Variants in DCC observed in about 807,000 individuals in gnomAD.
The protein encoded by DCC is netrin receptor DCC.
DCC carries 58 observed loss-of-function variants against 172.5 expected under a neutral mutation model. The ratio of observed to expected loss-of-function variants is 0.34; its 90% CI spans 0.27 to 0.42. The LOEUF (loss-of-function observed/expected upper bound fraction) is 0.42. Among genes scored for constraint, DCC ranks in the 10% least tolerant of loss-of-function variants. The pLI, the probability that DCC is intolerant of heterozygous loss-of-function variation, is 1.00. For missense variants in DCC, 1,740 were observed against 1,791.0 expected, an observed-to-expected ratio of 0.97 and a Z score of 0.51; for synonymous variants, 709 against 644.5, an observed-to-expected ratio of 1.10 and a Z score of -1.52.
At chr18:52,458,119 C>G (rs773872860) in intron 1 of DCC, among the ~76,000 whole-genome samples, 3 of 152,112 alleles carry the variant, frequency 2.0e-5, no homozygotes, top group Non-Finnish European at 4.4e-5. Context: ...CTTGGTGGTC[C>G]AAATTTTGAC....
At chr18:53,341,933 G>A (rs2057664475) in intron 15 of DCC, among the ~76,000 whole-genome samples, 2 of 151,964 alleles carry the variant, frequency 1.3e-5, no homozygotes, top group South Asian at 4.2e-4. Flanking sequence ...GGAAGGCAAA[G>A]CTCTCTAGTC....
intron 12 of DCC, among the ~76,000 whole-genome samples, chr18:53,226,948 A>ATATATTTTTTTTTT: frequency 2.5e-4 from 13 of 52,956 alleles, no homozygotes; most frequent in African/African-American, 1.2e-3. Flanking sequence ...ATATATATAT[A>ATATATTTTTTTTTT]TTTTTTTTTT....
At chr18:53,387,134 G>A (rs1466893168) in intron 16 of DCC, among the ~76,000 whole-genome samples, 1 of 152,134 alleles carries the variant, frequency 6.6e-6, no homozygotes, top group Admixed American at 6.5e-5. Flanking sequence ...TGGATGAGTT[G>A]GAAGAAATGG....
intron 12 of DCC, among the ~76,000 whole-genome samples, chr18:53,266,551 A>T (rs2056677346): frequency 6.6e-6 from 1 of 152,124 alleles, no homozygotes; most frequent in Non-Finnish European, 1.5e-5. Flanking sequence ...AGCGTTGTTG[A>T]AGTGTAATTC....
chr18:53,205,555 G>C (rs1333511621), intron 10 of DCC, among the ~76,000 whole-genome samples, 191 bp downstream of exon 10: 2 of 152,166 alleles, frequency 1.3e-5, no homozygotes. Flanking sequence ...ATTAAATTCT[G>C]GTGGTAAGAG....
chr18:52,841,567 C>T (rs1014781024), intron 2 of DCC, among the ~76,000 whole-genome samples: 1 of 152,008 alleles, frequency 6.6e-6, no homozygotes, highest in Admixed American at 6.6e-5. Flanking sequence ...TGGGATGGTA[C>T]CAGTACATGT....
intron 1 of DCC, among the ~76,000 whole-genome samples, chr18:52,407,695 AAATG>A (rs1164987187): frequency 6.6e-6 from 1 of 152,078 alleles, no homozygotes; most frequent in Non-Finnish European, 1.5e-5. Context: ...CTTGTTGAAG[AAATG>A]AATGAATGAA....
At chr18:52,356,460 C>G (rs1984368058) in intron 1 of DCC, among the ~76,000 whole-genome samples, 1 of 152,110 alleles carries the variant, frequency 6.6e-6, no homozygotes, top group African/African-American at 2.4e-5. Context: ...CATTTTGCGG[C>G]CAAAGGGCAG....
chr18:53,325,078 T>G (rs1599025881), intron 14 of DCC, among the ~76,000 whole-genome samples: 2 of 150,548 alleles, frequency 1.3e-5, no homozygotes. Flanking sequence ...CTGTAATCCC[T>G]GCTACTCAGG....
At chr18:52,448,402 A>T (rs761772295) in intron 1 of DCC, among the ~76,000 whole-genome samples, 1 of 152,216 alleles carries the variant, frequency 6.6e-6, no homozygotes, top group East Asian at 1.9e-4. Context: ...AACAGAGCAT[A>T]CATTTTGTTA....
chr18:53,215,503 C>G, intron 11 of DCC, 45 bp from the exon 12 acceptor site: 1 of 1,520,776 alleles, frequency 6.6e-7, no homozygotes. Flanking sequence ...ATTTTTCTTT[C>G]AAGATTTTGG....
chr18:53,213,002 C>T (rs1245875893), intron 11 of DCC, among the ~76,000 whole-genome samples: 1 of 151,876 alleles, frequency 6.6e-6, no homozygotes, highest in African/African-American at 2.4e-5. Context: ...AGAAAACAGC[C>T]CTGATGCTTA....
At chr18:52,377,944 C>G (rs771229366) in intron 1 of DCC, among the ~76,000 whole-genome samples, 2 of 152,036 alleles carry the variant, frequency 1.3e-5, no homozygotes, top group Non-Finnish European at 2.9e-5. Flanking sequence ...AAGTGATCCC[C>G]CTGCCTCGGC....
intron 2 of DCC, among the ~76,000 whole-genome samples, chr18:52,868,310 G>A (rs2039262168): frequency 6.6e-6 from 1 of 152,042 alleles, no homozygotes; most frequent in South Asian, 2.1e-4. Flanking sequence ...AATGGAGAGG[G>A]CATAGAGGGA....
chr18:53,427,214 G>A (rs956986399), intron 21 of DCC, among the ~76,000 whole-genome samples: 2 of 152,052 alleles, frequency 1.3e-5, no homozygotes, highest in African/African-American at 4.8e-5. Context: ...ATATTTGGAG[G>A]AACAGAATGC....
At chr18:53,170,931 G>C (rs943902810) in intron 8 of DCC, among the ~76,000 whole-genome samples, 1 of 152,130 alleles carries the variant, frequency 6.6e-6, no homozygotes, top group Non-Finnish European at 1.5e-5. Flanking sequence ...TGTCACCCAA[G>C]CTGGAGTGTA....
rs145670704 is a variant in DCC, at chr18:53,274,686, A to G, written c.1912-30892A>G. On this transcript the variant is annotated intron_variant, in intron 12 of 28. Coordinates refer to ENST00000442544, the MANE Select transcript of DCC (RefSeq NM_005215.4). ...TCCCAGTTGAACACCTATTCGTATT[A>G]CAGATGGGTTTATTTCTTGGTTTTA... is the stretch of plus-strand genomic sequence containing the variant. Among the ~76,000 whole-genome samples, 574 of 152,282 alleles carry G rather than the reference A, an allele frequency of 3.8e-3. 4 individuals are homozygous for G. Among genetic ancestry groups the G allele is most frequent in the Admixed American group, 0.022 (337 of 15,262 alleles).
chr18:53,498,044 C>T (rs970523337), intron 26 of DCC, among the ~76,000 whole-genome samples: 1 of 152,204 alleles, frequency 6.6e-6, no homozygotes, highest in East Asian at 1.9e-4. Flanking sequence ...ATGGGATAAG[C>T]CTGGAGGCTG....
chr18:53,251,841 T>G (rs1196939797), intron 12 of DCC, among the ~76,000 whole-genome samples: 1 of 151,896 alleles, frequency 6.6e-6, no homozygotes, highest in East Asian at 1.9e-4. Context: ...TTGAATTAGG[T>G]GAATAAATGC....
Sources: allele counts gnomAD v4.1 joint callset (sites outside exome capture counted in the v4.1 genomes callset), GRCh38; gene constraint gnomAD v4.1.1; transcripts MANE v1.5; gene names NCBI Gene and HGNC (gene_info 2026-07-23, HGNC 2026-07-21).